MLLT10: variants seen among roughly 807,000 people sequenced by gnomAD.
MLLT10 encodes the protein MLLT10 histone lysine methyltransferase DOT1L cofactor.
A neutral mutation model predicts 129.1 loss-of-function variants in MLLT10; 30 were observed. That is an observed-to-expected ratio of 0.23 (90% confidence interval 0.17 to 0.32). The LOEUF (loss-of-function observed/expected upper bound fraction) is 0.32. Ranked by LOEUF, MLLT10 falls within the 10% of genes least tolerant of loss-of-function variation. MLLT10 has a pLI of 1.00. For missense variants in MLLT10, 1,119 were observed against 1,268.3 expected, an observed-to-expected ratio of 0.88 and a Z score of 1.79; for synonymous variants, 490 against 446.4, an observed-to-expected ratio of 1.10 and a Z score of -1.23.
At chr10:21,687,763 C>A (rs1005602700) in intron 13 of MLLT10, among the ~76,000 whole-genome samples, 1 of 151,574 alleles carries the variant, frequency 6.6e-6, no homozygotes, top group African/African-American at 2.4e-5. Flanking sequence ...AGGCACCTGA[C>A]CGTTAGTAAA....
chr10:21,675,646 T>C (rs1211434683), intron 11 of MLLT10, among the ~76,000 whole-genome samples: 1 of 152,204 alleles, frequency 6.6e-6, no homozygotes, highest in Non-Finnish European at 1.5e-5. Flanking sequence ...TTTAGACAAA[T>C]TTAGTCAAAA....
chr10:21,724,964 A>C (rs1436195287), intron 14 of MLLT10, among the ~76,000 whole-genome samples: 2 of 152,234 alleles, frequency 1.3e-5, no homozygotes, highest in Non-Finnish European at 2.9e-5. Flanking sequence ...CCAAAAAGAC[A>C]GTGCCTTATA....
chr10:21,714,002 A>G (rs769692318), intron 14 of MLLT10, 52 bp downstream of exon 14: 23 of 1,504,320 alleles, frequency 1.5e-5, no homozygotes, highest in Non-Finnish European at 2.1e-5. Context: ...TCTCATTTTT[A>G]AAGTGAGTTT....
intron 9 of MLLT10, among the ~76,000 whole-genome samples, chr10:21,666,729 A>G (rs938683588): frequency 6.6e-5 from 10 of 152,026 alleles, no homozygotes; most frequent in Non-Finnish European, 1.2e-4. Flanking sequence ...TTTTTACTGT[A>G]TTTGTCTGTT....
At chr10:21,567,842 CAG>C (rs1490795435) in intron 3 of MLLT10, among the ~76,000 whole-genome samples, 1 of 145,130 alleles carries the variant, frequency 6.9e-6, no homozygotes, top group Non-Finnish European at 1.5e-5. Flanking sequence ...TTTTTTGAGA[CAG>C]AGTCTCTCTC....
chr10:21,589,469 G>A (rs1311712248), intron 4 of MLLT10, among the ~76,000 whole-genome samples: 7 of 151,816 alleles, frequency 4.6e-5, no homozygotes, highest in Non-Finnish European at 7.4e-5. Flanking sequence ...TGGAATTACA[G>A]GAATGAGCCA....
chr10:21,720,370 G>C (rs1434725030), intron 14 of MLLT10, among the ~76,000 whole-genome samples: 1 of 152,222 alleles, frequency 6.6e-6, no homozygotes, highest in Non-Finnish European at 1.5e-5. Context: ...CACATGCTGA[G>C]TATTGAAGCC....
At chr10:21,624,894 GC>G in intron 8 of MLLT10, 1 of 1,216,742 alleles carries the variant, frequency 8.2e-7, no homozygotes, top group Non-Finnish European at 1.2e-6. Context: ...TCCCAAAGGT[GC>G]CCCCTTTTGT....
chr10:21,676,548 C>T (rs190359959), intron 11 of MLLT10, among the ~76,000 whole-genome samples: 7 of 151,476 alleles, frequency 4.6e-5, no homozygotes, highest in East Asian at 3.9e-4. Flanking sequence ...TGGTGAAACC[C>T]GGTCTCTACT....
chr10:21,534,296 C>G lies in MLLT10; in HGVS notation c.-225C>G, dbSNP rs2033352891. The G allele has an allele frequency of 2.5e-6, 1 of 393,204 alleles. No individual in the cohort carries two copies. Among genetic ancestry groups the G allele is most frequent in the Non-Finnish European group, 4.5e-6 (1 of 221,408 alleles). The allele number at this position is 393,204 out of a possible 1,614,324, so 24.4% of individuals were successfully genotyped here. A position where few individuals can be genotyped will look rare whatever the true frequency, so the allele number is the denominator to read the frequency against. ...CCTTCCCCTCCCTCGCTGCCCCTGGCCCAGCGGGAGCCCCCCCTCCCCCCA... is the reference window on the plus strand; with the variant it reads ...CCTTCCCCTCCCTCGCTGCCCCTGGGCCAGCGGGAGCCCCCCCTCCCCCCA... On this transcript the variant is annotated 5_prime_UTR_variant, in exon 1 of 23. Transcript: ENST00000307729.
At chr10:21,624,743 G>T in intron 8 of MLLT10, 1 of 1,244,386 alleles carries the variant, frequency 8.0e-7, no homozygotes, top group South Asian at 1.3e-5. Flanking sequence ...ACGATGCTTG[G>T]AATCAGGTTG....
At chr10:21,599,653 C>G (rs953212974) in intron 5 of MLLT10, among the ~76,000 whole-genome samples, 2 of 152,120 alleles carry the variant, frequency 1.3e-5, no homozygotes, top group Non-Finnish European at 2.9e-5. Context: ...CAGCCTCGAC[C>G]TCTTGGGCTC....
At chr10:21,590,728 C>G (rs977373561) in intron 4 of MLLT10, among the ~76,000 whole-genome samples, 2 of 152,098 alleles carry the variant, frequency 1.3e-5, no homozygotes, top group Admixed American at 1.3e-4. Context: ...GACTTGTGTT[C>G]TGGTTTTTTC....
At chr10:21,587,048 C>T (rs1284088911) in intron 4 of MLLT10, among the ~76,000 whole-genome samples, 1 of 149,738 alleles carries the variant, frequency 6.7e-6, no homozygotes, top group African/African-American at 2.5e-5. Flanking sequence ...GATGATGTTT[C>T]TAGTGAATGT....
intron 4 of MLLT10, among the ~76,000 whole-genome samples, chr10:21,589,942 TCTTTC>T (rs1460350348): frequency 1.3e-5 from 2 of 151,922 alleles, no homozygotes; most frequent in African/African-American, 4.8e-5. Flanking sequence ...TCTCTCTCTC[TCTTTC>T]TTTTTTAACA....
chr10:21,668,966 C>G (rs1219959020), intron 9 of MLLT10: 1 of 1,346,416 alleles, frequency 7.4e-7, no homozygotes, highest in Admixed American at 2.3e-5. Flanking sequence ...AGGATCAACT[C>G]AAGTAATTGG....
intron 3 of MLLT10, among the ~76,000 whole-genome samples, chr10:21,566,687 G>T (rs1197653897): frequency 6.6e-6 from 1 of 150,938 alleles, no homozygotes; most frequent in Admixed American, 6.6e-5. Context: ...GAACATTTTT[G>T]GAATTCCATT....
intron 9 of MLLT10, among the ~76,000 whole-genome samples, chr10:21,653,949 C>G (rs967958436): frequency 1.3e-5 from 2 of 151,994 alleles, no homozygotes; most frequent in Admixed American, 6.6e-5. Context: ...CCTCCTGTGT[C>G]GAAAGATCTG....
chr10:21,544,695 A>G (rs1282078525), intron 3 of MLLT10, among the ~76,000 whole-genome samples: 1 of 152,192 alleles, frequency 6.6e-6, no homozygotes, highest in Admixed American at 6.5e-5. Context: ...GGTAAAGGGA[A>G]GGGAATAATC....
Sources: allele counts gnomAD v4.1 joint callset (sites outside exome capture counted in the v4.1 genomes callset), GRCh38; gene constraint gnomAD v4.1.1; transcripts MANE v1.5; gene names NCBI Gene and HGNC (gene_info 2026-07-23, HGNC 2026-07-21).